Variants in FKBP5 observed in about 807,000 individuals in gnomAD.
FKBP5 encodes the protein peptidyl-prolyl cis-trans isomerase FKBP5.
In FKBP5, 23 loss-of-function variants were observed where a neutral mutation model predicts 50.5. That is an observed-to-expected ratio of 0.46 (90% CI 0.33 to 0.65). FKBP5 has a LOEUF of 0.65. Ranked by LOEUF, FKBP5 falls within the 30% of genes least tolerant of loss-of-function variation. FKBP5 has a pLI of 0.02. For synonymous variants in FKBP5, 176 were observed against 190.6 expected (o/e 0.92, Z 0.63); for missense variants, 411 against 553.1 (o/e 0.74, Z 2.58).
intron 2 of FKBP5, among the ~76,000 whole-genome samples, chr6:35,702,870 T>C (rs912792736): frequency 4.6e-5 from 7 of 152,284 alleles, no homozygotes; most frequent in African/African-American, 7.2e-5. Context: ...TCTGTGACTT[T>C]GTGTTAAACA....
chr6:35,662,343 T>C (rs1765091278), intron 1 of FKBP5, among the ~76,000 whole-genome samples: 1 of 151,562 alleles, frequency 6.6e-6, no homozygotes, highest in African/African-American at 2.4e-5. Context: ...GGCACAGTCA[T>C]GGCTCACTAC....
rs1350745710 is a variant in FKBP5 at position 35,688,876 on chromosome 6, C to T, written c.-92G>A. ...TGCTCCGCTAACCCTTCAGCCCGCC[C>T]AGCAGGCCGCCCGCGCGCCGGACAC... On this transcript the variant is annotated 5_prime_UTR_variant, in exon 1 of 11. Transcript: ENST00000357266. The T allele has an allele frequency of 2.0e-5, 3 of 151,496 alleles. No individual in the cohort carries two copies. Among genetic ancestry groups the T allele is most frequent in the South Asian group, 2.1e-4 (1 of 4,836 alleles). 9.4% of individuals were successfully genotyped at this position (151,496 alleles called of 1,614,324 possible).
At chr6:35,583,369 G>GTT (rs1762501885) in intron 8 of FKBP5, 1 of 985,268 alleles carries the variant, frequency 1.0e-6, no homozygotes, top group African/African-American at 1.7e-5. Context: ...TAATCAGAAT[G>GTT]GTAGAAGGCC....
chr6:35,639,867 A>G lies in FKBP5; in HGVS notation c.106-2709T>C, dbSNP rs555033701. 2.6e-5 allele frequency among the ~76,000 whole-genome samples: 4 copies of G among 152,350 alleles called. No individual in the cohort carries two copies. In the South Asian group the frequency reaches 6.2e-4, roughly 24 times the overall value. On this transcript the variant is annotated intron_variant, in intron 2 of 10. Transcript: ENST00000357266. ...AACTCAGCATCCTGGTAATATTCAGAATGCATCAGATAATCTTTTCAGGAA... is the reference window on the plus strand; with the variant it reads ...AACTCAGCATCCTGGTAATATTCAGGATGCATCAGATAATCTTTTCAGGAA...
chr6:35,716,117 A>T (rs1297827564), intron 2 of FKBP5, among the ~76,000 whole-genome samples: 1 of 152,146 alleles, frequency 6.6e-6, no homozygotes, highest in Non-Finnish European at 1.5e-5. Context: ...CGCATCTGTA[A>T]TCCCAGCAAC....
upstream of FKBP5, among the ~76,000 whole-genome samples, chr6:35,689,811 T>C (rs1445926797): frequency 6.6e-6 from 1 of 152,088 alleles, no homozygotes; most frequent in African/African-American, 2.4e-5. Context: ...CACTCCAGCC[T>C]GGTGACAGAG....
chr6:35,675,071 C>T (rs920047831), intron 1 of FKBP5, among the ~76,000 whole-genome samples: 45 of 152,312 alleles, frequency 3.0e-4, no homozygotes, highest in African/African-American at 1.1e-3. Flanking sequence ...ACATACTAGG[C>T]GCTGAGCTAA....
At chr6:35,701,225 TTG>T (rs1491065557) in intron 2 of FKBP5, among the ~76,000 whole-genome samples, 8 of 120,630 alleles carry the variant, frequency 6.6e-5, no homozygotes, top group East Asian at 2.6e-4. Context: ...GTTTGTTTGT[TTG>T]TTTTTGTTTT....
rs150647146 is a variant in FKBP5, at chr6:35,593,909, C to T, written c.666-2689G>A. On this transcript the variant is annotated intron_variant, in intron 6 of 10. Coordinates refer to ENST00000357266, the MANE Select transcript of FKBP5 (RefSeq NM_004117.4). ...GCGTGACAGAAACATAAGGAAAGGA[C>T]GGAAAAAAAAGTTAAAACTATATAC... 4.8e-3 allele frequency among the ~76,000 whole-genome samples: 718 copies of T among 149,982 alleles called. 4 individuals are homozygous for T. The highest frequency in any genetic ancestry group is 0.014 in the African/African-American group (570 of 40,688).
In FKBP5 at chr6:35,598,660, T is replaced by C. The variant is rs115988260; in HGVS notation, c.509-1256A>G. Among the ~76,000 whole-genome samples the C allele has an allele frequency of 4.3e-3, 660 of 152,238 alleles. 5 individuals carry two copies. Among genetic ancestry groups the C allele is most frequent in the African/African-American group, 0.015 (623 of 41,536 alleles). On this transcript the variant is annotated intron_variant, in intron 5 of 10. Coordinates refer to ENST00000357266, the MANE Select transcript of FKBP5 (RefSeq NM_004117.4). ...TGACAGCATAACAGTCACCAAGCAATATGATAATTTGGATTTCATAAGAAA... is the reference window on the plus strand; with the variant it reads ...TGACAGCATAACAGTCACCAAGCAACATGATAATTTGGATTTCATAAGAAA...
chr6:35,643,945 T>C (rs1018890838), intron 1 of FKBP5, among the ~76,000 whole-genome samples: 5 of 152,182 alleles, frequency 3.3e-5, no homozygotes, highest in East Asian at 3.8e-4. Flanking sequence ...TGCAAGGAAT[T>C]TGTAATGGAA....
At chr6:35,632,084 G>T (rs1334550678) in intron 3 of FKBP5, among the ~76,000 whole-genome samples, 1 of 151,796 alleles carries the variant, frequency 6.6e-6, no homozygotes, top group Non-Finnish European at 1.5e-5. Flanking sequence ...TATTATAGAA[G>T]TATGTATGAA....
At chr6:35,647,758 T>C (rs1764669738) in intron 1 of FKBP5, among the ~76,000 whole-genome samples, 1 of 152,216 alleles carries the variant, frequency 6.6e-6, no homozygotes, top group Non-Finnish European at 1.5e-5. Context: ...TTTTCTTCTC[T>C]GGAAGACATA....
At chr6:35,628,784 T>A (rs920081583) in intron 3 of FKBP5, among the ~76,000 whole-genome samples, 1 of 152,210 alleles carries the variant, frequency 6.6e-6, no homozygotes, top group Non-Finnish European at 1.5e-5. Flanking sequence ...AATGGCACAA[T>A]CTCGGCTTAC....
chr6:35,664,915 T>C (rs971327139), intron 1 of FKBP5: 3 of 152,244 alleles, frequency 2.0e-5, no homozygotes, highest in African/African-American at 7.2e-5. Flanking sequence ...ATTTATTTCA[T>C]AATCTGTATT....
At chr6:35,691,561 G>T (rs1156498569), upstream of FKBP5, among the ~76,000 whole-genome samples, 1 of 152,124 alleles carries the variant, frequency 6.6e-6, no homozygotes, top group Non-Finnish European at 1.5e-5. Context: ...AGGCCCTGTA[G>T]ATACAGCTAC....
chr6:35,650,467 T>C (rs1764768352), intron 1 of FKBP5, among the ~76,000 whole-genome samples: 1 of 151,902 alleles, frequency 6.6e-6, no homozygotes, highest in African/African-American at 2.4e-5. Context: ...CAGTGTAATT[T>C]ATTTTTTATT....
rs1244293755 is a variant in FKBP5 at position 35,597,314 on chromosome 6, A to G, written c.599T>C (p.Ile200Thr). The change falls in exon 6 of 11, where the codon ATT (isoleucine) becomes ACT (threonine). Residue 200 changes from isoleucine (I) to threonine (T), a missense_variant. Physicochemically the swap from Ile to Thr is moderately conservative, Grantham distance 89. This residue lies in a region of FKBP5 where 267 missense variants were observed against 405.9 expected (regional missense o/e 0.66). Transcript: ENST00000357266. ...TTTCTCCAGAGCTTTGTCAATTCCA[A>G]TTGGAATGTCGTGGTCTTCTCCTTC... is the stretch of plus-strand genomic sequence containing the variant. The part of the protein sequence containing the change: ...VGEGEDHDIP[I>T]GIDKALEKMQ... The G allele has an allele frequency of 2.5e-6, 4 of 1,614,152 alleles. No individual in the cohort carries two copies. The highest frequency in any genetic ancestry group is 1.1e-5 in the South Asian group (1 of 91,078).
chr6:35,628,387 A>T (rs2150982585), intron 3 of FKBP5, among the ~76,000 whole-genome samples: 2 of 152,332 alleles, frequency 1.3e-5, no homozygotes, highest in South Asian at 4.1e-4. Context: ...ACTTTTTCAT[A>T]TGGGAGTAGA....
Sources: gnomAD v4.1 joint callset for allele counts (sites outside exome capture counted in the v4.1 genomes callset) on GRCh38, gnomAD v4.1.1 for gene constraint, gnomAD v4.1.1 regional missense constraint, MANE v1.5 for transcripts, NCBI Gene and HGNC (gene_info 2026-07-23, HGNC 2026-07-21) for gene names.